ACKR3: variants seen among roughly 807,000 people sequenced by gnomAD.
ACKR3 encodes the protein atypical chemokine receptor 3, also known as C-X-C chemokine receptor type 7.
A neutral mutation model predicts 22.4 loss-of-function variants in ACKR3; 6 were observed. That is an observed-to-expected ratio of 0.27 (90% confidence interval 0.15 to 0.53). The LOEUF (loss-of-function observed/expected upper bound fraction) is 0.53, where lower values mean the gene tolerates loss of function less well. Ranked by LOEUF, ACKR3 falls within the 20% of genes least tolerant of loss-of-function variation. The probability of loss-of-function intolerance (pLI) is 0.96; values close to 1 mark genes in which losing one functional copy is unlikely to be tolerated. For synonymous variants in ACKR3, 209 were observed against 205.2 expected (o/e 1.02, Z -0.16); for missense variants, 396 against 475.2 (o/e 0.83, Z 1.55).
rs1475400833 is a variant in ACKR3 at position 236,574,526 on chromosome 2, T to C, written c.-27+4602T>C. Among the ~76,000 whole-genome samples the C allele has an allele frequency of 6.6e-6, 1 of 151,956 alleles. No individual in the cohort carries two copies. The highest frequency in any genetic ancestry group is 1.9e-4 in the East Asian group (1 of 5,174). ...GAGGGCATCAGTTGGGAAGAGTCTG[T>C]GGTTGGAGACTGCAAACATGTGGAA... On this transcript the variant is annotated intron_variant, in intron 1 of 1. Coordinates refer to ENST00000272928, the MANE Select transcript of ACKR3 (RefSeq NM_020311.3). The surrounding 1 kb of genome is among the most constrained non-coding windows in gnomAD (Gnocchi z 5.6).
the ACKR3 span, among the ~76,000 whole-genome samples, chr2:236,549,679 G>T: frequency 1.3e-5 from 2 of 152,236 alleles, no homozygotes; most frequent in African/African-American, 4.8e-5. The surrounding 1 kb of genome is among the most constrained non-coding windows in gnomAD (Gnocchi z 5.3). Flanking sequence ...GGTGCTGGAA[G>T]ACTTGTGTGT....
At chr2:236,567,793 C>G (rs888983457), upstream of ACKR3, 1 of 152,488 alleles carries the variant, frequency 6.6e-6, no homozygotes, top group East Asian at 1.9e-4. Context: ...GGGCGGTGAC[C>G]CCGGGGCCAG....
chr2:236,565,307 C>T (rs1669773), upstream of ACKR3, among the ~76,000 whole-genome samples: 410 of 152,178 alleles, frequency 2.7e-3, 1 homozygote, highest in Non-Finnish European at 3.9e-3. Context: ...TTAAAATATG[C>T]GATTCCAGCG....
At chr2:236,566,718 C>CCCTTCCTTCCTT (rs747184505), upstream of ACKR3, among the ~76,000 whole-genome samples, 9,896 of 114,430 alleles carry the variant, frequency 0.086, 680 homozygotes, top group African/African-American at 0.13. Context: ...TCCTTTCCTT[C>CCCTTCCTTCCTT]CCTTCCTTCC....
chr2:236,549,472 GTCTC>G, the ACKR3 span, among the ~76,000 whole-genome samples: 1 of 152,236 alleles, frequency 6.6e-6, no homozygotes, highest in Non-Finnish European at 1.5e-5. This position sits in a 1 kb window ranked among gnomAD's most constrained non-coding sequence, Gnocchi z 5.3. Context: ...TGGCATGTCT[GTCTC>G]TCTGAAAGAT....
At chr2:236,547,182 G>C in the ACKR3 span, among the ~76,000 whole-genome samples, 4 of 152,334 alleles carry the variant, frequency 2.6e-5, no homozygotes, top group East Asian at 7.7e-4. Context: ...ACCTAGTACA[G>C]TGTGAAGAAG....
chr2:236,576,213 T>C (rs10184764), intron 1 of ACKR3, among the ~76,000 whole-genome samples: 27,664 of 152,206 alleles, frequency 0.18, 3,168 homozygotes, highest in African/African-American at 0.32. Context: ...AGTGGATGTC[T>C]CCTTCAGGCC....
the ACKR3 span, among the ~76,000 whole-genome samples, chr2:236,548,018 A>C: frequency 2.0e-3 from 311 of 152,238 alleles, no homozygotes; most frequent in Middle Eastern, 6.8e-3. The surrounding 1 kb of genome is among the most constrained non-coding windows in gnomAD (Gnocchi z 4.3). Context: ...CTGGAATTGC[A>C]ATTAGACATA....
At chr2:236,540,393 G>A in the ACKR3 span, among the ~76,000 whole-genome samples, 1 of 151,284 alleles carries the variant, frequency 6.6e-6, no homozygotes, top group Non-Finnish European at 1.5e-5. Context: ...TTCTTATTGA[G>A]TTATACGGGT....
chr2:236,564,062 C>G (rs1378057644), upstream of ACKR3, among the ~76,000 whole-genome samples: 1 of 152,224 alleles, frequency 6.6e-6, no homozygotes, highest in African/African-American at 2.4e-5. Context: ...AAGGAAAACT[C>G]CACCTTTCCA....
upstream of ACKR3, chr2:236,567,973 G>T: frequency 6.5e-6 from 1 of 153,610 alleles, no homozygotes; most frequent in South Asian, 1.8e-4. Context: ...GGCCGTGGGT[G>T]GGCGCGGGGC....
chr2:236,573,873 C>T (rs1408789194), intron 1 of ACKR3, among the ~76,000 whole-genome samples: 1 of 152,216 alleles, frequency 6.6e-6, no homozygotes, highest in African/African-American at 2.4e-5. Context: ...CCTTTAAGGC[C>T]CAACTCTTAC....
chr2:236,579,495 C>T (rs1574977400), intron 1 of ACKR3, among the ~76,000 whole-genome samples: 1 of 152,294 alleles, frequency 6.6e-6, no homozygotes, highest in East Asian at 1.9e-4. Flanking sequence ...GAAATCAGTG[C>T]CAGATAACAA....
At chr2:236,545,073 C>T in the ACKR3 span, among the ~76,000 whole-genome samples, 1 of 152,102 alleles carries the variant, frequency 6.6e-6, no homozygotes, top group Admixed American at 6.5e-5. This position sits in a 1 kb window ranked among gnomAD's most constrained non-coding sequence, Gnocchi z 5.3. Context: ...TTGGGGCTGC[C>T]GGGCATGCTT....
Position 236,577,157 on chromosome 2 carries a change from T to C in ACKR3, c.-26-3283T>C, listed in dbSNP as rs1320441425. Among the ~76,000 whole-genome samples, 1 of 152,042 alleles carries C rather than the reference T, an allele frequency of 6.6e-6. No homozygotes were observed. The highest frequency in any genetic ancestry group is 2.4e-5 in the African/African-American group (1 of 41,402). The stretch of plus-strand genomic sequence containing the variant: ...AGGATCGGTGATCGGTGAGTGATGA[T>C]AGGTGGCCGGTGATCGGTGGGGCAG... On this transcript the variant is annotated intron_variant, in intron 1 of 1. Transcript: ENST00000272928. This position sits in a 1 kb window ranked among gnomAD's most constrained non-coding sequence, Gnocchi z 5.6.
chr2:236,544,708 G>A, the ACKR3 span, among the ~76,000 whole-genome samples: 6 of 152,174 alleles, frequency 3.9e-5, no homozygotes, highest in Admixed American at 2.6e-4. This position sits in a 1 kb window ranked among gnomAD's most constrained non-coding sequence, Gnocchi z 5.0. Context: ...TCTTGTAACC[G>A]AGCTGAGGGA....
At chr2:236,556,931 C>T in the ACKR3 span, among the ~76,000 whole-genome samples, 1 of 152,128 alleles carries the variant, frequency 6.6e-6, no homozygotes, top group Non-Finnish European at 1.5e-5. Context: ...CAGTTGATCC[C>T]CCCACCTCAG....
At chr2:236,571,843 T>A (rs998092448) in intron 1 of ACKR3, among the ~76,000 whole-genome samples, 1 of 150,926 alleles carries the variant, frequency 6.6e-6, no homozygotes, top group African/African-American at 2.4e-5. Context: ...AACTTTAGAT[T>A]TTTTTTTTGT....
At chr2:236,567,700 T>G (rs1691214475), upstream of ACKR3, 1 of 151,974 alleles carries the variant, frequency 6.6e-6, no homozygotes, top group East Asian at 1.9e-4. Flanking sequence ...CCGCTGGCGC[T>G]TGGTCCGCCC....
Sources: allele counts gnomAD v4.1 joint callset (sites outside exome capture counted in the v4.1 genomes callset), GRCh38; gene constraint gnomAD v4.1.1; non-coding constraint Gnocchi (gnomAD v3.1); transcripts MANE v1.5; gene names NCBI Gene and HGNC (gene_info 2026-07-23, HGNC 2026-07-21).